The following OR2L13 variants were observed in gnomAD, a reference collection of about 807,000 sequenced individuals.
OR2L13 encodes olfactory receptor family 2 subfamily L member 13, also known as olfactory receptor 2L13.
In OR2L13, 14 loss-of-function variants were observed where a neutral mutation model predicts 15.3. The ratio of observed to expected loss-of-function variants is 0.91; its 90% CI spans 0.60 to 1.43. The LOEUF is 1.43. OR2L13 is among the 40% of genes most tolerant of loss of function. OR2L13 has a pLI of 0.00. For missense variants in OR2L13, 367 were observed against 387.9 expected (o/e 0.95, Z 0.45); for synonymous variants, 152 against 142.9 (o/e 1.06, Z -0.45).
the OR2L13 span, chr1:247,990,625 G>A: frequency 7.8e-6 from 12 of 1,542,774 alleles, no homozygotes; most frequent in Non-Finnish European, 9.9e-6. Context: ...AATGGCCTAT[G>A]ATCGTTATGT....
the OR2L13 span, among the ~76,000 whole-genome samples, chr1:247,957,204 T>C: frequency 5.3e-5 from 8 of 152,158 alleles, no homozygotes; most frequent in Non-Finnish European, 1.2e-4. Context: ...GAGATAATCA[T>C]AGGTTTTTGT....
the OR2L13 span, among the ~76,000 whole-genome samples, chr1:248,043,846 A>G: frequency 3.3e-5 from 5 of 152,208 alleles, no homozygotes; most frequent in South Asian, 4.1e-4. Context: ...GAGCATGGGG[A>G]GATGTGCTCT....
chr1:248,047,971 A>C, the OR2L13 span, among the ~76,000 whole-genome samples: 2 of 152,206 alleles, frequency 1.3e-5, no homozygotes, highest in South Asian at 4.1e-4. Context: ...TCAGCAACAA[A>C]AGCTTACATT....
the OR2L13 span, among the ~76,000 whole-genome samples, chr1:248,009,843 A>T: frequency 9.6e-4 from 146 of 152,268 alleles, no homozygotes; most frequent in Middle Eastern, 3.4e-3. Context: ...TCACCCCTGG[A>T]ATGCAAGGAT....
the OR2L13 span, among the ~76,000 whole-genome samples, chr1:248,090,140 T>C: frequency 6.6e-6 from 1 of 152,170 alleles, no homozygotes; most frequent in Non-Finnish European, 1.5e-5. Context: ...TCCCTTTCTC[T>C]TGCTGCAATC....
the OR2L13 span, among the ~76,000 whole-genome samples, chr1:247,999,693 A>G: frequency 2.0e-5 from 3 of 152,148 alleles, no homozygotes; most frequent in Non-Finnish European, 2.9e-5. Context: ...TCTAGACTCC[A>G]GAGGACACTC....
chr1:248,071,367 G>T, the OR2L13 span, among the ~76,000 whole-genome samples: 3 of 151,964 alleles, frequency 2.0e-5, no homozygotes, highest in Non-Finnish European at 4.4e-5. Flanking sequence ...CAGAACCAAA[G>T]ACAAAAACCA....
At chr1:248,043,114 G>C in the OR2L13 span, among the ~76,000 whole-genome samples, 1 of 151,702 alleles carries the variant, frequency 6.6e-6, no homozygotes, top group African/African-American at 2.4e-5. Flanking sequence ...TTATTTCTGC[G>C]GTGTCCAGGT....
the OR2L13 span, chr1:248,003,340 A>G: frequency 5.6e-6 from 9 of 1,600,362 alleles, no homozygotes; most frequent in Non-Finnish European, 6.9e-6. Flanking sequence ...TCATTGACCT[A>G]AATTACATCT....
At chr1:248,083,482 T>G in the OR2L13 span, 10 of 664,432 alleles carry the variant, frequency 1.5e-5, no homozygotes, top group Middle Eastern at 3.9e-4. Flanking sequence ...AAATGGTATC[T>G]CTCAATACAA....
chr1:247,948,637 TATC>T, the OR2L13 span, among the ~76,000 whole-genome samples: 1 of 152,226 alleles, frequency 6.6e-6, no homozygotes, highest in African/African-American at 2.4e-5. Flanking sequence ...TCTATTTTAT[TATC>T]AGTTACTCTT....
the OR2L13 span, among the ~76,000 whole-genome samples, chr1:247,941,267 C>G: frequency 6.6e-6 from 1 of 152,032 alleles, no homozygotes; most frequent in East Asian, 1.9e-4. Context: ...TCCTGCTCAT[C>G]AATTTTATTT....
At chr1:248,038,591 T>C in the OR2L13 span, 2 of 1,614,168 alleles carry the variant, frequency 1.2e-6, no homozygotes, top group Non-Finnish European at 1.7e-6. Flanking sequence ...CTTTAGCAGT[T>C]GCAGAAGGGC....
At chr1:248,084,391 C>G in the OR2L13 span, 2 of 1,608,314 alleles carry the variant, frequency 1.2e-6, no homozygotes, top group South Asian at 2.2e-5. Context: ...ACCAGCATCA[C>G]GTCCATGAGG....
the OR2L13 span, among the ~76,000 whole-genome samples, chr1:247,999,671 G>C: frequency 6.6e-6 from 1 of 152,152 alleles, no homozygotes; most frequent in African/African-American, 2.4e-5. Flanking sequence ...ATGCTGTGGA[G>C]AGCCATCCTT....
chr1:247,952,317 G>A, the OR2L13 span, among the ~76,000 whole-genome samples: 1 of 152,178 alleles, frequency 6.6e-6, no homozygotes, highest in Non-Finnish European at 1.5e-5. Flanking sequence ...GATGGTCTGA[G>A]TGTTTGTATC....
At chr1:247,948,071 G>A in the OR2L13 span, among the ~76,000 whole-genome samples, 3 of 152,170 alleles carry the variant, frequency 2.0e-5, no homozygotes. Context: ...AAGTTAACTA[G>A]GCATTGTGGC....
the OR2L13 span, among the ~76,000 whole-genome samples, chr1:247,940,968 T>C: frequency 6.6e-6 from 1 of 152,114 alleles, no homozygotes; most frequent in Admixed American, 6.6e-5. Context: ...TGGTGTCTCA[T>C]TGTGGTTTTG....
the OR2L13 span, among the ~76,000 whole-genome samples, chr1:247,986,349 C>T: frequency 1.3e-5 from 2 of 152,172 alleles, no homozygotes; most frequent in Non-Finnish European, 2.9e-5. Context: ...GTTTTCCCCG[C>T]ACCATTTATT....
Sources: allele counts gnomAD v4.1 joint callset (sites outside exome capture counted in the v4.1 genomes callset), GRCh38; gene constraint gnomAD v4.1.1; transcripts MANE v1.5; gene names NCBI Gene and HGNC (gene_info 2026-07-23, HGNC 2026-07-21).